FGF13: variants seen among roughly 807,000 people sequenced by gnomAD.
FGF13 encodes fibroblast growth factor homologous factor 2.
In FGF13, 2 loss-of-function variants were observed where a neutral mutation model predicts 19.5. The observed-to-expected ratio is 0.10, with a 90% CI of 0.04 to 0.32. The LOEUF (loss-of-function observed/expected upper bound fraction) is 0.32. Among genes scored for constraint, FGF13 ranks in the 10% least tolerant of loss-of-function variants. The pLI is 1.00. For synonymous variants in FGF13, 72 were observed against 76.9 expected, an observed-to-expected ratio of 0.94 and a Z score of 0.33; for missense variants, 113 against 192.7, an observed-to-expected ratio of 0.59 and a Z score of 2.45.
At chrX:138,982,687 C>T (rs764356707) in intron 1 of FGF13, among the ~76,000 whole-genome samples, 3 of 112,110 alleles carry the variant, frequency 2.7e-5, no homozygotes, top group Admixed American at 1.9e-4. Flanking sequence ...AGTGGCAGAG[C>T]AGTCATCAGC....
chrX:138,758,065 C>T (rs746620750), intron 3 of FGF13, among the ~76,000 whole-genome samples: 25 of 111,581 alleles, frequency 2.2e-4, no homozygotes, highest in Non-Finnish European at 1.5e-4. Flanking sequence ...TTAACTTTTA[C>T]TAGGCGGGAA....
intron 1 of FGF13, among the ~76,000 whole-genome samples, chrX:139,197,794 C>A (rs2084384692): frequency 9.1e-6 from 1 of 110,244 alleles, no homozygotes; most frequent in African/African-American, 3.3e-5. Flanking sequence ...GAGTTCAAGA[C>A]CAGCTTGGCC....
At chrX:138,948,786 C>T (rs2124284371) in intron 1 of FGF13, among the ~76,000 whole-genome samples, 1 of 112,026 alleles carries the variant, frequency 8.9e-6, no homozygotes, top group Admixed American at 9.5e-5. Flanking sequence ...CAATACTTGT[C>T]TCTACCCTTG....
At chrX:138,992,541 G>C (rs1051519747) in intron 1 of FGF13, among the ~76,000 whole-genome samples, 5 of 108,556 alleles carry the variant, frequency 4.6e-5, no homozygotes, top group African/African-American at 1.7e-4. Flanking sequence ...TGAGATATAG[G>C]GATAATTAAA....
chrX:139,158,737 A>G (rs1170580116), intron 1 of FGF13, among the ~76,000 whole-genome samples: 1 of 111,477 alleles, frequency 9.0e-6, no homozygotes, highest in Non-Finnish European at 1.9e-5. Context: ...GAGATTGAAG[A>G]TCAACTTAAT....
chrX:138,987,099 A>G (rs2091997549), intron 1 of FGF13, among the ~76,000 whole-genome samples: 1 of 112,472 alleles, frequency 8.9e-6, no homozygotes, highest in African/African-American at 3.2e-5. Context: ...GTTCCTCTAC[A>G]TACTGAAGAA....
intron 3 of FGF13, among the ~76,000 whole-genome samples, chrX:138,638,613 G>A (rs748796285): frequency 3.6e-5 from 4 of 111,810 alleles, no homozygotes; most frequent in Admixed American, 2.9e-4. Flanking sequence ...AAAATGACAC[G>A]TTAGCACATG....
chrX:138,844,721 C>T (rs1029828691), intron 3 of FGF13, among the ~76,000 whole-genome samples: 4 of 110,954 alleles, frequency 3.6e-5, no homozygotes, highest in Non-Finnish European at 7.6e-5. Flanking sequence ...TTCTCTATAA[C>T]ATCTTACAAT....
At chrX:138,699,915 G>C (rs763263424) in intron 3 of FGF13, among the ~76,000 whole-genome samples, 16 of 111,238 alleles carry the variant, frequency 1.4e-4, no homozygotes, top group Non-Finnish European at 2.8e-4. Context: ...CCTCAAATCT[G>C]CTTTTTCCCG....
intron 3 of FGF13, among the ~76,000 whole-genome samples, chrX:138,807,493 C>G (rs998872845): frequency 2.7e-5 from 3 of 111,946 alleles, no homozygotes; most frequent in African/African-American, 9.7e-5. Flanking sequence ...AAAAACATGC[C>G]AAATTGTAAA....
intron 3 of FGF13, among the ~76,000 whole-genome samples, chrX:138,756,387 G>A (rs966148884): frequency 7.1e-5 from 8 of 112,448 alleles, no homozygotes; most frequent in Non-Finnish European, 1.5e-4. Flanking sequence ...GGGGTGGGAG[G>A]AGTCTGCCTG....
At chrX:138,906,356 A>G (rs768423779) in intron 1 of FGF13, among the ~76,000 whole-genome samples, 6 of 112,090 alleles carry the variant, frequency 5.4e-5, no homozygotes, top group Admixed American at 3.8e-4. Context: ...CTCATTGTCT[A>G]TTGGATACTA....
intron 1 of FGF13, chrX:139,203,391 G>T (rs2084432647): frequency 1.8e-5 from 2 of 109,913 alleles, no homozygotes; most frequent in Admixed American, 1.9e-4. Context: ...AGCGCGGGCG[G>T]CGCCAGGGCA....
intron 1 of FGF13, chrX:138,739,186 C>A: frequency 1.4e-6 from 1 of 712,480 alleles, no homozygotes; most frequent in Admixed American, 2.4e-5. Context: ...GCATTAATGT[C>A]CAGGATAAAC....
At chrX:138,856,739 T>C (rs2091259939), downstream of FGF13, among the ~76,000 whole-genome samples, 1 of 112,242 alleles carries the variant, frequency 8.9e-6, no homozygotes. Flanking sequence ...CAGATGGCAA[T>C]AAATTTACCA....
intron 1 of FGF13, among the ~76,000 whole-genome samples, chrX:139,054,889 GTTGTGTTGTGTTGTATTGTA>G (rs1419729932): frequency 2.1e-5 from 2 of 96,211 alleles, no homozygotes; most frequent in African/African-American, 8.9e-5. Flanking sequence ...GTTGTGTTGT[GTTGTGTTGTGTTGTATTGTA>G]TTGTATTGTA....
intron 3 of FGF13, among the ~76,000 whole-genome samples, chrX:138,642,383 T>C (rs1281325650): frequency 1.8e-5 from 2 of 112,126 alleles, no homozygotes; most frequent in Admixed American, 1.9e-4. Context: ...AGTGTTTCAA[T>C]TAAATTCTAT....
At chrX:138,643,109 A>C (rs1236758720) in intron 3 of FGF13, among the ~76,000 whole-genome samples, 1 of 112,015 alleles carries the variant, frequency 8.9e-6, no homozygotes, top group East Asian at 2.8e-4. Flanking sequence ...AAAAATAAGA[A>C]AACTATTCAG....
Position 138,838,266 on chromosome X carries a change from G to A in FGF13, c.217+19246C>T, listed in dbSNP as rs752804287. The stretch of plus-strand genomic sequence containing the variant: ...GATTCAGCCTCTTTTCTAGGGGTAT[G>A]TACAGGTGTCCAACCTCCCACTTTG... On this transcript the variant is annotated intron_variant, in intron 3 of 6. Transcript: ENST00000436198. 4.5e-5 allele frequency among the ~76,000 whole-genome samples: 5 copies of A among 111,894 alleles called. No homozygotes were observed. The South Asian group carries it at 1.5e-3, about 34-fold the overall frequency.
Sources: allele counts gnomAD v4.1 joint callset (sites outside exome capture counted in the v4.1 genomes callset), GRCh38; gene constraint gnomAD v4.1.1; transcripts MANE v1.5; gene names NCBI Gene and HGNC (gene_info 2026-07-23, HGNC 2026-07-21).